The following COLEC10 variants were observed in gnomAD, a reference collection of about 807,000 sequenced individuals.
COLEC10 encodes the protein collectin subfamily member 10, also known as collectin-10.
A neutral mutation model predicts 28.4 loss-of-function variants in COLEC10; 22 were observed. The observed-to-expected ratio is 0.78, with a 90% confidence interval of 0.55 to 1.11. The LOEUF (loss-of-function observed/expected upper bound fraction) is 1.11. Ranked by LOEUF, COLEC10 falls within the 50% of genes least tolerant of loss-of-function variation. The pLI is 0.00. For synonymous variants in COLEC10, 125 were observed against 116.1 expected, an observed-to-expected ratio of 1.08 and a Z score of -0.49; for missense variants, 361 against 344.1, an observed-to-expected ratio of 1.05 and a Z score of -0.39.
chr8:118,989,435 C>T, the COLEC10 span, among the ~76,000 whole-genome samples: 2 of 151,666 alleles, frequency 1.3e-5, no homozygotes, highest in African/African-American at 4.8e-5. Context: ...TTGCAAAAAC[C>T]ATGCTCAAGT....
At chr8:119,051,424 T>G (rs1814670965) in intron 2 of COLEC10, among the ~76,000 whole-genome samples, 1 of 152,212 alleles carries the variant, frequency 6.6e-6, no homozygotes, top group Non-Finnish European at 1.5e-5. Context: ...GTGAAGGTTT[T>G]TATGAAGAAG....
At chr8:119,034,585 C>T (rs1005303910) in intron 2 of COLEC10, among the ~76,000 whole-genome samples, 6 of 152,014 alleles carry the variant, frequency 3.9e-5, no homozygotes, top group Non-Finnish European at 7.4e-5. Context: ...GTGGCGGATG[C>T]CTATAATCCA....
chr8:119,092,046 T>C (rs1815614919), intron 3 of COLEC10, among the ~76,000 whole-genome samples: 1 of 151,748 alleles, frequency 6.6e-6, no homozygotes. Flanking sequence ...GGATACCCAC[T>C]TGTTTTCAGT....
At chr8:119,064,312 C>G (rs1814911828), upstream of COLEC10, among the ~76,000 whole-genome samples, 1 of 151,946 alleles carries the variant, frequency 6.6e-6, no homozygotes, top group African/African-American at 2.4e-5. Context: ...AGGAGGGGGG[C>G]AGAATATGCC....
At chr8:118,993,015 T>C (rs929795679), upstream of COLEC10, among the ~76,000 whole-genome samples, 1 of 152,130 alleles carries the variant, frequency 6.6e-6, no homozygotes, top group Non-Finnish European at 1.5e-5. Context: ...ATAATGGAAT[T>C]TCGTGAGTTC....
At chr8:119,041,998 G>T (rs10100780) in intron 2 of COLEC10, among the ~76,000 whole-genome samples, 55 of 151,380 alleles carry the variant, frequency 3.6e-4, no homozygotes, top group East Asian at 2.7e-3. Flanking sequence ...ATTGTTTTTG[G>T]TTTTTTTTGG....
Position 119,050,032 on chromosome 8 carries a change from C to T in COLEC10, n.236-39648C>T, listed in dbSNP as rs1814650190. On this transcript the variant is annotated intron_variant and non_coding_transcript_variant, in intron 2 of 6. Transcript: ENST00000521788. ...CAGGACACCATCATTAGCCATGAAA[C>T]CTTGGACAAGTCACCTAACTTCAAA... Among the ~76,000 whole-genome samples the T allele has an allele frequency of 7.2e-5, 11 of 152,122 alleles. No individual in the cohort carries two copies. In the South Asian group the frequency reaches 2.3e-3, roughly 31 times the overall value.
chr8:118,957,512 T>A, the COLEC10 span, among the ~76,000 whole-genome samples: 4 of 152,140 alleles, frequency 2.6e-5, no homozygotes, highest in Non-Finnish European at 5.9e-5. Flanking sequence ...TGGAGAGAGA[T>A]ATACCTTATG....
intron 2 of COLEC10, among the ~76,000 whole-genome samples, chr8:119,022,808 C>G (rs187030502): frequency 6.6e-6 from 1 of 152,222 alleles, no homozygotes; most frequent in African/African-American, 2.4e-5. Context: ...CTGTTAAAAA[C>G]CCTCCAGTAG....
At chr8:119,042,251 GC>G (rs1441291262) in intron 2 of COLEC10, among the ~76,000 whole-genome samples, 7 of 151,988 alleles carry the variant, frequency 4.6e-5, no homozygotes, top group Non-Finnish European at 8.8e-5. Context: ...TCCCGTTTCG[GC>G]CTCCCAAAGT....
At chr8:118,957,636 G>A in the COLEC10 span, among the ~76,000 whole-genome samples, 8 of 152,318 alleles carry the variant, frequency 5.3e-5, no homozygotes, top group African/African-American at 1.9e-4. Context: ...AAATGTGAGC[G>A]AAGTCATTTG....
At chr8:119,090,426 G>A (rs553373562) in intron 2 of COLEC10, among the ~76,000 whole-genome samples, 1 of 152,280 alleles carries the variant, frequency 6.6e-6, no homozygotes, top group South Asian at 2.1e-4. Flanking sequence ...CAAGAGGGCT[G>A]CCCTAGACCA....
chr8:118,971,333 C>T, the COLEC10 span, among the ~76,000 whole-genome samples: 1 of 151,920 alleles, frequency 6.6e-6, no homozygotes, highest in African/African-American at 2.4e-5. Flanking sequence ...TCATAGGTTG[C>T]TTTAAGGCAT....
At chr8:118,976,752 A>G in the COLEC10 span, 1 of 152,198 alleles carries the variant, frequency 6.6e-6, no homozygotes, top group Non-Finnish European at 1.5e-5. Context: ...AACAAATGGG[A>G]TCTAATTAAA....
intron 2 of COLEC10, among the ~76,000 whole-genome samples, chr8:119,090,383 C>T (rs1248330570): frequency 6.6e-6 from 1 of 152,146 alleles, no homozygotes; most frequent in Non-Finnish European, 1.5e-5. Flanking sequence ...TGTGCACCTT[C>T]TGAACACTTG....
At chr8:119,037,020 T>C (rs962788242) in intron 2 of COLEC10, among the ~76,000 whole-genome samples, 1 of 152,128 alleles carries the variant, frequency 6.6e-6, no homozygotes, top group Admixed American at 6.5e-5. Context: ...GAGTTTCGTA[T>C]TGGTCAGCTT....
chr8:119,067,585 G>T, intron 1 of COLEC10, 156 bp downstream of exon 1: 1 of 659,572 alleles, frequency 1.5e-6, no homozygotes, highest in Non-Finnish European at 2.5e-6. Flanking sequence ...TCCAGATCTG[G>T]TCTGTTACTT....
chr8:118,956,778 T>C, the COLEC10 span, among the ~76,000 whole-genome samples: 2 of 152,232 alleles, frequency 1.3e-5, no homozygotes, highest in African/African-American at 4.8e-5. Context: ...TCATCTCTAA[T>C]ATTCAGAAAT....
intron 1 of COLEC10, among the ~76,000 whole-genome samples, chr8:119,000,813 T>C (rs1813682635): frequency 6.6e-6 from 1 of 152,100 alleles, no homozygotes. Flanking sequence ...TCAAGGAACT[T>C]AGAGGCCAAG....
Sources: gnomAD v4.1 joint callset for allele counts (sites outside exome capture counted in the v4.1 genomes callset) on GRCh38, gnomAD v4.1.1 for gene constraint, MANE v1.5 for transcripts, NCBI Gene and HGNC (gene_info 2026-07-23, HGNC 2026-07-21) for gene names.